FHIT: variants seen among roughly 807,000 people sequenced by gnomAD.
FHIT encodes bis(5'-adenosyl)-triphosphatase.
FHIT carries 19 observed loss-of-function variants against 17.9 expected under a neutral mutation model. The ratio of observed to expected loss-of-function variants is 1.06; its 90% CI spans 0.74 to 1.56. The LOEUF (loss-of-function observed/expected upper bound fraction) is 1.56, where lower values mean the gene tolerates loss of function less well. Among genes scored for constraint, FHIT ranks in the 40% most tolerant of loss-of-function variants. The pLI, the probability that FHIT is intolerant of heterozygous loss-of-function variation, is 0.00. For missense variants in FHIT, 248 were observed against 189.2 expected (o/e 1.31, Z -1.82); for synonymous variants, 81 against 69.7 (o/e 1.16, Z -0.81).
chr3:60,731,684 C>T (rs574174807), intron 4 of FHIT, among the ~76,000 whole-genome samples: 3 of 152,288 alleles, frequency 2.0e-5, no homozygotes, highest in East Asian at 3.9e-4. Context: ...CTTGATCCCA[C>T]GCACCCACCT....
At chr3:60,700,665 A>T (rs1195828379) in intron 4 of FHIT, among the ~76,000 whole-genome samples, 1 of 152,182 alleles carries the variant, frequency 6.6e-6, no homozygotes, top group Non-Finnish European at 1.5e-5. Flanking sequence ...AATTTTGATA[A>T]ATATATCCAG....
intron 5 of FHIT, among the ~76,000 whole-genome samples, chr3:60,169,113 A>G (rs1465161726): frequency 3.9e-5 from 6 of 152,230 alleles, no homozygotes; most frequent in Admixed American, 3.9e-4. Flanking sequence ...AGCACATGCT[A>G]TCAGCTAGAA....
chr3:60,686,876 T>C (rs2040872892), intron 4 of FHIT, among the ~76,000 whole-genome samples: 1 of 152,158 alleles, frequency 6.6e-6, no homozygotes, highest in African/African-American at 2.4e-5. Flanking sequence ...AAATTTAACC[T>C]ATACTACTTC....
chr3:60,107,107 G>C (rs561624813), intron 5 of FHIT, among the ~76,000 whole-genome samples: 1 of 149,786 alleles, frequency 6.7e-6, no homozygotes, highest in Non-Finnish European at 1.5e-5. Context: ...CTAGGAAAAG[G>C]CTCATTTGAT....
chr3:59,968,297 T>C (rs1038997179), intron 7 of FHIT, among the ~76,000 whole-genome samples: 14 of 152,050 alleles, frequency 9.2e-5, no homozygotes, highest in African/African-American at 3.4e-4. Context: ...TTTCACAATA[T>C]GAACTGTAGA....
At position 60,968,310 on chromosome 3, in the gene FHIT, C is replaced by T. The variant is rs1351772195; in HGVS notation, c.-111+73737G>A. ...CCATCACAAGATTATATTAAACTGA[C>T]TAGGGTCTCTAATATAATGATGAAT... On this transcript the variant is annotated intron_variant, in intron 3 of 9. Transcript: ENST00000492590. Among the ~76,000 whole-genome samples, 4 of 152,034 alleles carry T rather than the reference C, an allele frequency of 2.6e-5. No homozygotes were observed. In the East Asian group the frequency reaches 7.7e-4, roughly 29 times the overall value.
intron 4 of FHIT, among the ~76,000 whole-genome samples, chr3:60,813,902 T>C (rs1398997543): frequency 6.6e-6 from 1 of 152,214 alleles, no homozygotes; most frequent in East Asian, 1.9e-4. Flanking sequence ...GATATTATTA[T>C]AGCCACTCTA....
intron 5 of FHIT, among the ~76,000 whole-genome samples, chr3:60,209,391 A>C (rs1214327313): frequency 6.6e-6 from 1 of 152,068 alleles, no homozygotes; most frequent in Non-Finnish European, 1.5e-5. Flanking sequence ...CTGTGACCTT[A>C]AGAAGCTTAT....
intron 3 of FHIT, among the ~76,000 whole-genome samples, chr3:60,848,990 A>C (rs938714016): frequency 1.3e-5 from 2 of 152,134 alleles, no homozygotes; most frequent in Non-Finnish European, 2.9e-5. Flanking sequence ...ATAAATTTGG[A>C]TATAACATTA....
chr3:60,339,184 C>T (rs1882902), intron 5 of FHIT, among the ~76,000 whole-genome samples: 54 of 152,076 alleles, frequency 3.6e-4, no homozygotes, highest in African/African-American at 1.2e-3. Context: ...GCTCTTTGAT[C>T]TTCAAATATT....
intron 4 of FHIT, among the ~76,000 whole-genome samples, chr3:60,572,464 G>C (rs1032188011): frequency 6.6e-6 from 1 of 151,710 alleles, no homozygotes; most frequent in African/African-American, 2.4e-5. Flanking sequence ...GAAAAAAAGA[G>C]ACTGTTGATA....
intron 5 of FHIT, among the ~76,000 whole-genome samples, chr3:60,400,503 A>C (rs1293724723): frequency 6.6e-6 from 1 of 152,148 alleles, no homozygotes; most frequent in African/African-American, 2.4e-5. Context: ...TTGGTGTTAG[A>C]AACACCAACC....
At chr3:60,063,650 C>A (rs1044605784) in intron 5 of FHIT, among the ~76,000 whole-genome samples, 5 of 152,168 alleles carry the variant, frequency 3.3e-5, no homozygotes, top group African/African-American at 7.2e-5. Context: ...GAGAACATTT[C>A]TTGCATATCC....
intron 4 of FHIT, among the ~76,000 whole-genome samples, chr3:60,541,332 C>G (rs984933911): frequency 6.6e-6 from 1 of 152,090 alleles, no homozygotes; most frequent in African/African-American, 2.4e-5. Context: ...TCTTGTTTTT[C>G]AAGAATAAAG....
At chr3:60,569,971 C>A (rs1484621777) in intron 4 of FHIT, among the ~76,000 whole-genome samples, 2 of 151,514 alleles carry the variant, frequency 1.3e-5, no homozygotes, top group Non-Finnish European at 2.9e-5. Flanking sequence ...ATCTATTTAC[C>A]CAGTGGTACA....
At chr3:60,442,228 T>A (rs1489921607) in intron 5 of FHIT, among the ~76,000 whole-genome samples, 1 of 152,004 alleles carries the variant, frequency 6.6e-6, no homozygotes, top group East Asian at 1.9e-4. Flanking sequence ...AATGCCTAAT[T>A]GTTTTGCCAC....
At chr3:60,638,577 G>A (rs2039648032) in intron 4 of FHIT, among the ~76,000 whole-genome samples, 2 of 152,056 alleles carry the variant, frequency 1.3e-5, no homozygotes, top group African/African-American at 4.8e-5. Context: ...AATGTCTGGG[G>A]TAAGAGTATC....
chr3:60,484,762 G>A (rs1015952114), intron 5 of FHIT, among the ~76,000 whole-genome samples: 9 of 152,026 alleles, frequency 5.9e-5, no homozygotes, highest in East Asian at 3.9e-4. Context: ...ACTTCATGAC[G>A]AAAATGCCAA....
chr3:60,859,525 G>C (rs1384605741), intron 3 of FHIT, among the ~76,000 whole-genome samples: 1 of 151,864 alleles, frequency 6.6e-6, no homozygotes, highest in Non-Finnish European at 1.5e-5. Context: ...TGTGGCAGAA[G>C]TGATGTACAC....
Sources: allele counts gnomAD v4.1 joint callset (sites outside exome capture counted in the v4.1 genomes callset), GRCh38; gene constraint gnomAD v4.1.1; transcripts MANE v1.5; gene names NCBI Gene and HGNC (gene_info 2026-07-23, HGNC 2026-07-21).